The following PID1 variants were observed in gnomAD, a reference collection of about 807,000 sequenced individuals.
The protein encoded by PID1 is phosphotyrosine interaction domain containing 1.
Under a neutral mutation model 19.1 loss-of-function variants are expected in PID1, and 10 were observed. The observed-to-expected ratio is 0.52, with a 90% CI of 0.32 to 0.89. PID1 has a LOEUF of 0.89. PID1 is among the 40% of genes least tolerant of loss of function. The pLI, the probability that PID1 is intolerant of heterozygous loss-of-function variation, is 0.03. For synonymous variants in PID1, 130 were observed against 116.0 expected (o/e 1.12, Z -0.78); for missense variants, 248 against 285.3 (o/e 0.87, Z 0.94).
At chr2:229,074,826 G>T (rs1462847946) in intron 2 of PID1, among the ~76,000 whole-genome samples, 1 of 152,084 alleles carries the variant, frequency 6.6e-6, no homozygotes, top group Non-Finnish European at 1.5e-5. Flanking sequence ...ATATATTTCA[G>T]ATTTCAAGGT....
At chr2:229,050,628 T>A (rs913926570) in intron 2 of PID1, among the ~76,000 whole-genome samples, 1 of 152,156 alleles carries the variant, frequency 6.6e-6, no homozygotes, top group Non-Finnish European at 1.5e-5. Context: ...TAGTACAGTG[T>A]ATATACCGGT....
chr2:229,223,618 G>A (rs549590705), intron 1 of PID1, among the ~76,000 whole-genome samples: 5 of 152,306 alleles, frequency 3.3e-5, no homozygotes, highest in Non-Finnish European at 4.4e-5. Flanking sequence ...GGTGGTTAGC[G>A]ATGTGGAGTC....
At chr2:229,243,085 T>C (rs1260096226) in intron 1 of PID1, among the ~76,000 whole-genome samples, 1 of 152,144 alleles carries the variant, frequency 6.6e-6, no homozygotes, top group Non-Finnish European at 1.5e-5. Context: ...CAGTTCCACA[T>C]GGCTGGGGAG....
At chr2:229,204,231 T>C (rs950474066) in intron 1 of PID1, among the ~76,000 whole-genome samples, 1 of 152,026 alleles carries the variant, frequency 6.6e-6, no homozygotes, top group Non-Finnish European at 1.5e-5. Context: ...CTATAGTTTA[T>C]AGAGAGCGTG....
intron 1 of PID1, among the ~76,000 whole-genome samples, chr2:229,236,095 T>G (rs1485808974): frequency 6.6e-6 from 1 of 152,132 alleles, no homozygotes. Context: ...CTGTTGAGGC[T>G]CGATGAGCAT....
At chr2:229,086,308 G>T (rs140564696) in intron 2 of PID1, among the ~76,000 whole-genome samples, 1 of 152,134 alleles carries the variant, frequency 6.6e-6, no homozygotes, top group East Asian at 1.9e-4. Flanking sequence ...ATGTAAACAC[G>T]CTCAGAACAC....
In PID1 at chr2:229,025,480, C is replaced by G. The variant is rs1574563088; in HGVS notation, c.*152G>C. 1 of 654,444 alleles carries G rather than the reference C, an allele frequency of 1.5e-6. No homozygotes were observed. Among genetic ancestry groups the G allele is most frequent in the East Asian group, 2.5e-5 (1 of 39,582 alleles). The allele number at this position is 654,444 out of a possible 1,614,324, so 40.5% of individuals were successfully genotyped here. A position where few individuals can be genotyped will look rare whatever the true frequency, so the allele number is the denominator to read the frequency against. Reference sequence around the variant, plus strand: ...ACGTAATTACTTTAATGATACATTTCTTTAGATTTAGAATTGCTCTTCTGA... The same window carrying G: ...ACGTAATTACTTTAATGATACATTTGTTTAGATTTAGAATTGCTCTTCTGA... On this transcript the variant is annotated 3_prime_UTR_variant, in exon 3 of 3. Coordinates refer to ENST00000392055, the MANE Select transcript of PID1 (RefSeq NM_001100818.2).
chr2:229,266,543 T>C (rs1472196208), intron 1 of PID1, among the ~76,000 whole-genome samples: 1 of 152,194 alleles, frequency 6.6e-6, no homozygotes, highest in Non-Finnish European at 1.5e-5. Flanking sequence ...GCTCTAACTG[T>C]ATTTATTAAT....
intron 1 of PID1, among the ~76,000 whole-genome samples, chr2:229,245,418 C>T (rs937926112): frequency 1.1e-4 from 16 of 152,148 alleles, no homozygotes; most frequent in African/African-American, 3.6e-4. Flanking sequence ...TGCCTACTTT[C>T]CTTCCCTCTC....
chr2:229,154,750 T>C (rs1034531521), intron 2 of PID1, among the ~76,000 whole-genome samples: 3 of 152,236 alleles, frequency 2.0e-5, no homozygotes, highest in African/African-American at 7.2e-5. Context: ...TACAAAGCTA[T>C]GAAAGAAATC....
chr2:229,109,995 T>C (rs1273852102), intron 2 of PID1, among the ~76,000 whole-genome samples: 1 of 152,188 alleles, frequency 6.6e-6, no homozygotes, highest in Non-Finnish European at 1.5e-5. Flanking sequence ...GGAGTCACTC[T>C]ACCTGTTTCT....
intron 2 of PID1, among the ~76,000 whole-genome samples, chr2:229,118,523 T>A (rs776838993): frequency 9.2e-5 from 14 of 152,154 alleles, no homozygotes; most frequent in Admixed American, 3.3e-4. Context: ...TAATCTTTCT[T>A]CTATGAAGGA....
At chr2:229,133,957 C>T (rs1689801684) in intron 2 of PID1, among the ~76,000 whole-genome samples, 1 of 151,402 alleles carries the variant, frequency 6.6e-6, no homozygotes. Flanking sequence ...TAATTCTTAA[C>T]TAGGGAGAGA....
chr2:229,145,726 T>G lies in PID1; in HGVS notation c.177+10092A>C, dbSNP rs142362301. Among the ~76,000 whole-genome samples, 969 of 152,284 alleles carry G rather than the reference T, an allele frequency of 6.4e-3. 11 individuals are homozygous for G. Among genetic ancestry groups the G allele is most frequent in the African/African-American group, 0.023 (941 of 41,564 alleles). ...GTCCCTGTGACAGTACCGTGAATCT[T>G]TTACAAACACTGTTTCATGTGCCCA... On this transcript the variant is annotated intron_variant, in intron 2 of 2. Coordinates refer to ENST00000392055, the MANE Select transcript of PID1 (RefSeq NM_001100818.2).
At chr2:229,106,077 C>CAAAAGA (rs1553562805) in intron 2 of PID1, among the ~76,000 whole-genome samples, 2 of 122,158 alleles carry the variant, frequency 1.6e-5, no homozygotes, top group African/African-American at 6.4e-5. Context: ...GAGATTCCGT[C>CAAAAGA]AAAAAAAAAA....
intron 1 of PID1, among the ~76,000 whole-genome samples, chr2:229,221,607 C>T (rs1459264691): frequency 6.6e-6 from 1 of 152,160 alleles, no homozygotes; most frequent in Non-Finnish European, 1.5e-5. Flanking sequence ...TTCTTTCCTC[C>T]TGATATTCAG....
intron 2 of PID1, among the ~76,000 whole-genome samples, chr2:229,119,492 T>C (rs1343055547): frequency 1.3e-5 from 2 of 152,216 alleles, no homozygotes; most frequent in Admixed American, 6.5e-5. Context: ...TCATCTGTTC[T>C]TTATTTAAAG....
intron 2 of PID1, among the ~76,000 whole-genome samples, chr2:229,056,419 T>C (rs1235837106): frequency 1.3e-5 from 2 of 152,168 alleles, no homozygotes; most frequent in Non-Finnish European, 2.9e-5. Flanking sequence ...CTTTGATCTC[T>C]GAACGTATCC....
intron 2 of PID1, among the ~76,000 whole-genome samples, chr2:229,030,957 C>G (rs1693536261): frequency 6.6e-6 from 1 of 151,934 alleles, no homozygotes; most frequent in Non-Finnish European, 1.5e-5. Context: ...GTGGCTCACA[C>G]CTATAATCCC....
Sources: allele counts gnomAD v4.1 joint callset (sites outside exome capture counted in the v4.1 genomes callset), GRCh38; gene constraint gnomAD v4.1.1; transcripts MANE v1.5; gene names NCBI Gene and HGNC (gene_info 2026-07-23, HGNC 2026-07-21).